Variants in RBFOX1 observed in about 807,000 individuals in gnomAD.
The protein encoded by RBFOX1 is RNA binding protein fox-1 homolog 1.
In RBFOX1, 8 loss-of-function variants were observed where a neutral mutation model predicts 57.7. The ratio of observed to expected loss-of-function variants is 0.14; its 90% CI spans 0.08 to 0.25. The LOEUF (loss-of-function observed/expected upper bound fraction) is 0.25. Ranked by LOEUF, RBFOX1 falls within the 10% of genes least tolerant of loss-of-function variation. The probability of loss-of-function intolerance (pLI) is 1.00; values close to 1 mark genes in which losing one functional copy is unlikely to be tolerated. For synonymous variants in RBFOX1, 326 were observed against 222.4 expected (o/e 1.47, Z -4.15); for missense variants, 611 against 548.5 (o/e 1.11, Z -1.14).
At position 5,917,380 on chromosome 16, in the gene RBFOX1, C is replaced by G. The variant is rs2058729169; in HGVS notation, c.351+50045C>G. 2.0e-5 allele frequency among the ~76,000 whole-genome samples: 3 copies of G among 152,306 alleles called. 1 individual carries two copies. In the South Asian group the frequency reaches 6.2e-4, roughly 32 times the overall value. On this transcript the variant is annotated intron_variant, in intron 4 of 19. Coordinates refer to the RBFOX1 transcript ENST00000641259. Reference sequence around the variant, plus strand: ...ATGTGCATCTTACGGTGAATCCTCCCAACAGCCTAAGAGATTTGGTGCTTT... The same window carrying G: ...ATGTGCATCTTACGGTGAATCCTCCGAACAGCCTAAGAGATTTGGTGCTTT...
At chr16:6,658,945 G>GTTTTTTT (rs778640073) in intron 3 of RBFOX1, among the ~76,000 whole-genome samples, 2 of 139,446 alleles carry the variant, frequency 1.4e-5, no homozygotes, top group Non-Finnish European at 1.6e-5. Flanking sequence ...TGTTTTTTTT[G>GTTTTTTT]TTTTTTTTTT....
chr16:5,878,256 G>T (rs545503372), intron 4 of RBFOX1, among the ~76,000 whole-genome samples: 1 of 152,138 alleles, frequency 6.6e-6, no homozygotes, highest in East Asian at 1.9e-4. Context: ...TGGTTATAGC[G>T]GCAGCAGTGA....
intron 4 of RBFOX1, among the ~76,000 whole-genome samples, chr16:7,433,712 A>G (rs2098700334): frequency 6.6e-6 from 1 of 152,160 alleles, no homozygotes; most frequent in Non-Finnish European, 1.5e-5. Context: ...CTGTCCATCC[A>G]TCTGTTCATC....
At chr16:6,351,707 T>C (rs2086435668) in intron 2 of RBFOX1, among the ~76,000 whole-genome samples, 1 of 152,154 alleles carries the variant, frequency 6.6e-6, no homozygotes, top group Non-Finnish European at 1.5e-5. Context: ...GTATACTAAA[T>C]ATACAAGTGT....
At chr16:5,920,820 A>G (rs947050721) in intron 4 of RBFOX1, among the ~76,000 whole-genome samples, 6 of 152,192 alleles carry the variant, frequency 3.9e-5, no homozygotes, top group African/African-American at 1.4e-4. Context: ...ATTTTTAAAA[A>G]TCCTTCGAAA....
At chr16:6,948,339 C>T (rs964154622) in intron 3 of RBFOX1, among the ~76,000 whole-genome samples, 5 of 143,690 alleles carry the variant, frequency 3.5e-5, no homozygotes, top group African/African-American at 1.3e-4. Flanking sequence ...CAAACTCTGA[C>T]ATCTTTCTGC....
chr16:5,314,436 G>A (rs2064176570), intron 1 of RBFOX1, among the ~76,000 whole-genome samples: 1 of 152,228 alleles, frequency 6.6e-6, no homozygotes, highest in East Asian at 1.9e-4. Context: ...CAGCACCAGG[G>A]CTGACCGCTT....
At chr16:7,021,308 A>C (rs901892111) in intron 3 of RBFOX1, among the ~76,000 whole-genome samples, 42 of 148,736 alleles carry the variant, frequency 2.8e-4, no homozygotes, top group East Asian at 1.8e-3. Context: ...CTCTCTCTAT[A>C]TATATATATT....
intron 3 of RBFOX1, among the ~76,000 whole-genome samples, chr16:6,788,571 G>A (rs1031516424): frequency 2.0e-4 from 31 of 151,836 alleles, no homozygotes; most frequent in African/African-American, 7.3e-4. Flanking sequence ...TGCCTTCTGG[G>A]TTCACGCCAT....
At position 6,077,292 on chromosome 16, in the gene RBFOX1, C is replaced by T. The variant is rs530262952; in HGVS notation, c.-127+57300C>T. 1.8e-4 allele frequency among the ~76,000 whole-genome samples: 27 copies of T among 149,394 alleles called. No homozygotes were observed. In the South Asian group the frequency reaches 5.4e-3, roughly 30 times the overall value. ...GGCAGCTTGGCCAGGTAGGAGCTCA[C>T]ATATGGAGCATTTCTTGCTTTAGGT... On this transcript the variant is annotated intron_variant, in intron 1 of 15. Transcript: ENST00000550418.
chr16:5,766,689 C>T (rs2053792795), intron 3 of RBFOX1, among the ~76,000 whole-genome samples: 1 of 152,142 alleles, frequency 6.6e-6, no homozygotes, highest in Non-Finnish European at 1.5e-5. Flanking sequence ...AGGACCCAAA[C>T]ATCTACCACC....
At chr16:6,419,363 T>C (rs549366595) in intron 2 of RBFOX1, among the ~76,000 whole-genome samples, 92 of 152,236 alleles carry the variant, frequency 6.0e-4, no homozygotes, top group African/African-American at 2.2e-3. Flanking sequence ...CTCTAAAAAG[T>C]GTGGAGTGTA....
intron 3 of RBFOX1, among the ~76,000 whole-genome samples, chr16:5,690,745 A>G (rs748662764): frequency 6.6e-6 from 1 of 152,152 alleles, no homozygotes; most frequent in Non-Finnish European, 1.5e-5. Flanking sequence ...AGGGGCGCGT[A>G]TGTCTTTCTC....
intron 4 of RBFOX1, among the ~76,000 whole-genome samples, chr16:7,261,662 T>C (rs1276558198): frequency 6.6e-6 from 1 of 152,200 alleles, no homozygotes; most frequent in Non-Finnish European, 1.5e-5. Flanking sequence ...CCTCTTTATG[T>C]GTCTGACAGG....
At chr16:6,954,610 G>C (rs1011549520) in intron 3 of RBFOX1, among the ~76,000 whole-genome samples, 8 of 152,064 alleles carry the variant, frequency 5.3e-5, no homozygotes, top group African/African-American at 1.4e-4. Flanking sequence ...TTATGTAGAT[G>C]GAGAAACTGA....
intron 5 of RBFOX1, among the ~76,000 whole-genome samples, chr16:7,569,695 G>A (rs2092570696): frequency 6.6e-6 from 1 of 152,190 alleles, no homozygotes; most frequent in Admixed American, 6.5e-5. Context: ...ACAGGTGTCT[G>A]TTGAGCACCT....
chr16:6,892,810 CT>C (rs2065831337), intron 3 of RBFOX1, among the ~76,000 whole-genome samples: 1 of 99,756 alleles, frequency 1.0e-5, no homozygotes, highest in South Asian at 2.9e-4. Flanking sequence ...CTCTCTCTCT[CT>C]CTCTCTCTCT....
chr16:5,612,095 C>CCATTCATT (rs142612268), intron 3 of RBFOX1, among the ~76,000 whole-genome samples: 44 of 150,696 alleles, frequency 2.9e-4, no homozygotes, highest in Admixed American at 1.1e-3. Flanking sequence ...CCCATCCATC[C>CCATTCATT]CATTCATTCA....
intron 2 of RBFOX1, among the ~76,000 whole-genome samples, chr16:6,605,503 C>T (rs1431044853): frequency 1.3e-5 from 2 of 152,148 alleles, no homozygotes; most frequent in East Asian, 1.9e-4. Flanking sequence ...AGAGAGAAAT[C>T]AGAAATGACA....
Sources: allele counts gnomAD v4.1 joint callset (sites outside exome capture counted in the v4.1 genomes callset), GRCh38; gene constraint gnomAD v4.1.1; transcripts MANE v1.5; gene names NCBI Gene and HGNC (gene_info 2026-07-23, HGNC 2026-07-21).